AGBL1: variants seen among roughly 807,000 people sequenced by gnomAD.
AGBL1 encodes the protein AGBL carboxypeptidase 1.
In AGBL1, 130 loss-of-function variants were observed where a neutral mutation model predicts 118.9. That is an observed-to-expected ratio of 1.09 (90% CI 0.95 to 1.26). AGBL1 has a LOEUF of 1.26. Among genes scored for constraint, AGBL1 ranks in the 50% most tolerant of loss-of-function variants. The probability of loss-of-function intolerance (pLI) is 0.00; values close to 1 mark genes in which losing one functional copy is unlikely to be tolerated. For missense variants in AGBL1, 1,584 were observed against 1,298.1 expected, an observed-to-expected ratio of 1.22 and a Z score of -3.38; for synonymous variants, 555 against 478.9, an observed-to-expected ratio of 1.16 and a Z score of -2.08.
At chr15:86,904,076 C>T (rs1044517739) in intron 22 of AGBL1, among the ~76,000 whole-genome samples, 6 of 150,662 alleles carry the variant, frequency 4.0e-5, no homozygotes, top group African/African-American at 1.5e-4. Context: ...TGGTGTTTGC[C>T]TGGAGTAGAA....
chr15:87,012,597 G>A (rs2081572542), intron 24 of AGBL1, among the ~76,000 whole-genome samples: 1 of 152,118 alleles, frequency 6.6e-6, no homozygotes, highest in South Asian at 2.1e-4. Flanking sequence ...AATACTGAGT[G>A]TGTTCTGGGC....
At chr15:86,733,461 A>G (rs1766714003) in intron 22 of AGBL1, among the ~76,000 whole-genome samples, 1 of 152,224 alleles carries the variant, frequency 6.6e-6, no homozygotes, top group Admixed American at 6.5e-5. Context: ...TTTACCAGCT[A>G]TCTGAGCATC....
chr15:86,684,273 A>C (rs2086013678), intron 22 of AGBL1, among the ~76,000 whole-genome samples: 2 of 152,128 alleles, frequency 1.3e-5, no homozygotes, highest in Non-Finnish European at 2.9e-5. Flanking sequence ...GTTTCTGTGA[A>C]CATTTCCACA....
At chr15:86,572,811 A>G (rs1356364348) in intron 21 of AGBL1, among the ~76,000 whole-genome samples, 1 of 152,222 alleles carries the variant, frequency 6.6e-6, no homozygotes, top group African/African-American at 2.4e-5. Flanking sequence ...CCCTGCCATC[A>G]GTGTGGCACT....
chr15:86,238,656 G>T (rs181241693), intron 6 of AGBL1, among the ~76,000 whole-genome samples: 1 of 152,072 alleles, frequency 6.6e-6, no homozygotes, highest in Non-Finnish European at 1.5e-5. Context: ...ATCACCCTTG[G>T]TAAGAAGCAC....
intron 18 of AGBL1, among the ~76,000 whole-genome samples, chr15:86,438,147 C>T (rs1463951725): frequency 6.6e-6 from 1 of 152,074 alleles, no homozygotes; most frequent in Non-Finnish European, 1.5e-5. Context: ...ACCTCATGAT[C>T]CATCCATCTC....
In AGBL1 at chr15:86,318,696, A is replaced by ATTT. The variant is rs57988335; in HGVS notation, c.2374+23311_2374+23313dup. Among the ~76,000 whole-genome samples the ATTT allele has an allele frequency of 9.2e-3, 754 of 81,902 alleles. 11 individuals carry two copies. The highest frequency in any genetic ancestry group is 0.016 in the African/African-American group (323 of 20,514). The allele number at this position is 81,902 out of a possible 152,430, so 53.7% of individuals were successfully genotyped here. ...ATTTGAAGGGTAGAGTTGATCATAGATTTTTTTTTTTTTTTTTTTTTTTTT... is the reference window on the plus strand; with the variant it reads ...ATTTGAAGGGTAGAGTTGATCATAGATTTTTTTTTTTTTTTTTTTTTTTTTTTT... On this transcript the variant is annotated intron_variant, in intron 17 of 22. Coordinates refer to ENST00000614907, the MANE Select transcript of AGBL1 (RefSeq NM_001386094.1).
chr15:86,122,983 T>G (rs777308234), intron 1 of AGBL1, among the ~76,000 whole-genome samples: 1 of 152,184 alleles, frequency 6.6e-6, no homozygotes, highest in Non-Finnish European at 1.5e-5. Context: ...TAGCAGGCCC[T>G]GAAAGAAATC....
intron 22 of AGBL1, among the ~76,000 whole-genome samples, chr15:86,817,765 T>C (rs997876400): frequency 2.0e-5 from 3 of 152,046 alleles, no homozygotes; most frequent in African/African-American, 7.2e-5. Flanking sequence ...TCAATGAATG[T>C]GTGTTTATTT....
At chr15:86,398,522 C>T (rs1212585769) in intron 18 of AGBL1, among the ~76,000 whole-genome samples, 1 of 150,606 alleles carries the variant, frequency 6.6e-6, no homozygotes, top group East Asian at 1.9e-4. Context: ...ATCAAAGAAG[C>T]AAAAAAGAAG....
At chr15:86,285,289 G>A (rs1325527855) in intron 16 of AGBL1, among the ~76,000 whole-genome samples, 1 of 152,064 alleles carries the variant, frequency 6.6e-6, no homozygotes, top group Admixed American at 6.5e-5. Context: ...TTTCATTGAG[G>A]GGTGCAGGGA....
chr15:86,725,778 G>C (rs1030198822), intron 22 of AGBL1, among the ~76,000 whole-genome samples: 4 of 152,188 alleles, frequency 2.6e-5, no homozygotes, highest in African/African-American at 9.7e-5. Flanking sequence ...ATATGCATAT[G>C]TGTGTTATCA....
chr15:86,299,576 G>A (rs34880155), intron 17 of AGBL1, among the ~76,000 whole-genome samples: 8,297 of 152,160 alleles, frequency 0.055, 270 homozygotes, highest in South Asian at 0.074. Context: ...CCCATAAGCT[G>A]TTTGGGAATA....
chr15:86,552,839 C>G (rs2083682372), intron 20 of AGBL1, among the ~76,000 whole-genome samples: 1 of 152,070 alleles, frequency 6.6e-6, no homozygotes, highest in Non-Finnish European at 1.5e-5. Context: ...CATTAGCATT[C>G]TATTTCCCTT....
chr15:86,177,311 A>C (rs987634781), intron 5 of AGBL1, among the ~76,000 whole-genome samples: 5 of 152,208 alleles, frequency 3.3e-5, no homozygotes, highest in African/African-American at 1.2e-4. Flanking sequence ...AAACTGATAG[A>C]ACTGCAAGGA....
chr15:86,857,067 C>T (rs16978037), intron 22 of AGBL1, among the ~76,000 whole-genome samples: 1 of 152,110 alleles, frequency 6.6e-6, no homozygotes, highest in South Asian at 2.1e-4. Flanking sequence ...AGACTGAAAA[C>T]CCCTGTCACC....
Position 86,190,915 on chromosome 15 carries a change from A to ATGCAAATTTCCTACAAC in AGBL1, c.488+31893_488+31909dup, listed in dbSNP as rs2077709057. On this transcript the variant is annotated intron_variant, in intron 5 of 22. Transcript: ENST00000614907. ...GGGGAAAACATTACCCAAGAAACAAATGCAAATTTCCTACAACTGCTTTGC... is the reference window on the plus strand; with the variant it reads ...GGGGAAAACATTACCCAAGAAACAAATGCAAATTTCCTACAACTGCAAATTTCCTACAACTGCTTTGC... 2.0e-5 allele frequency among the ~76,000 whole-genome samples: 3 copies of ATGCAAATTTCCTACAAC among 152,346 alleles called. No individual in the cohort carries two copies. The East Asian group carries it at 5.8e-4, about 29-fold the overall frequency.
At chr15:86,120,131 A>G (rs74026787) in intron 1 of AGBL1, among the ~76,000 whole-genome samples, 20 of 152,138 alleles carry the variant, frequency 1.3e-4, no homozygotes, top group Non-Finnish European at 2.4e-4. Flanking sequence ...TCCCCATTAA[A>G]ATCTAAACTC....
At chr15:86,849,084 C>G (rs944542495) in intron 22 of AGBL1, among the ~76,000 whole-genome samples, 1 of 152,214 alleles carries the variant, frequency 6.6e-6, no homozygotes, top group Non-Finnish European at 1.5e-5. Flanking sequence ...GGGCTACTCA[C>G]TGTCTAGTGA....
Sources: allele counts gnomAD v4.1 joint callset (sites outside exome capture counted in the v4.1 genomes callset), GRCh38; gene constraint gnomAD v4.1.1; transcripts MANE v1.5; gene names NCBI Gene and HGNC (gene_info 2026-07-23, HGNC 2026-07-21).